Variants in ALG14 observed in about 807,000 individuals in gnomAD.
ALG14 encodes the protein ALG14 UDP-N-acetylglucosaminyltransferase subunit.
A neutral mutation model predicts 22.8 loss-of-function variants in ALG14; 17 were observed. The ratio of observed to expected loss-of-function variants is 0.75; its 90% CI spans 0.51 to 1.12. The LOEUF (loss-of-function observed/expected upper bound fraction) is 1.12. Among genes scored for constraint, ALG14 ranks in the 50% most tolerant of loss-of-function variants. The probability of loss-of-function intolerance (pLI) is 0.00; values close to 1 mark genes in which losing one functional copy is unlikely to be tolerated. For missense variants in ALG14, 288 were observed against 271.8 expected, an observed-to-expected ratio of 1.06 and a Z score of -0.42; for synonymous variants, 89 against 103.7, an observed-to-expected ratio of 0.86 and a Z score of 0.86.
intron 2 of ALG14, among the ~76,000 whole-genome samples, chr1:95,036,262 G>A (rs1046064964): frequency 1.3e-5 from 2 of 152,040 alleles, no homozygotes; most frequent in Non-Finnish European, 2.9e-5. Context: ...GTGATAGTGC[G>A]TTAGTTCTCA....
At position 94,980,149 on chromosome 1, in the gene ALG14, T is replaced by C. The variant is rs1417323470; in HGVS notation, c.*2927A>G. 6.6e-6 allele frequency: 1 copy of C among 152,062 alleles called. No homozygotes were observed. The highest frequency in any genetic ancestry group is 1.5e-5 in the Non-Finnish European group (1 of 68,016). The allele number at this position is 152,062 out of a possible 1,614,324, so 9.4% of individuals were successfully genotyped here. On this transcript the variant is annotated 3_prime_UTR_variant, in exon 4 of 4. Coordinates refer to ENST00000370205, the MANE Select transcript of ALG14 (RefSeq NM_144988.4). ...TAACTTACCATGTATCTTTGAAAGGTAGAATGATGTGTTCCAAGTTGCTTT... is the reference window on the plus strand; with the variant it reads ...TAACTTACCATGTATCTTTGAAAGGCAGAATGATGTGTTCCAAGTTGCTTT...
intron 3 of ALG14, among the ~76,000 whole-genome samples, chr1:95,021,502 CTTCTT>C (rs1182131728): frequency 2.0e-5 from 3 of 152,186 alleles, no homozygotes; most frequent in Non-Finnish European, 4.4e-5. Context: ...TCTGTGCCCC[CTTCTT>C]TTATTTTTTC....
intron 3 of ALG14, among the ~76,000 whole-genome samples, chr1:94,986,392 T>C (rs182701980): frequency 3.3e-5 from 5 of 152,350 alleles, no homozygotes; most frequent in African/African-American, 7.2e-5. Flanking sequence ...TTACCCTATA[T>C]TGACTCAAAT....
In ALG14 at chr1:95,049,481, G is replaced by A. The variant is rs1050686063; in HGVS notation, c.288+15385C>T. ...GCTTAGGAGCCAGAGGTTGCAGTGA[G>A]TCGAGATCGCACCACTGCACTCCAA... On this transcript the variant is annotated intron_variant, in intron 2 of 3. Coordinates refer to ENST00000370205, the MANE Select transcript of ALG14 (RefSeq NM_144988.4). Among the ~76,000 whole-genome samples, 13 of 152,202 alleles carry A rather than the reference G, an allele frequency of 8.5e-5. No individual in the cohort carries two copies. The East Asian group carries it at 1.5e-3, about 18-fold the overall frequency.
At chr1:95,047,518 A>G (rs781288374) in intron 2 of ALG14, among the ~76,000 whole-genome samples, 2 of 151,788 alleles carry the variant, frequency 1.3e-5, no homozygotes, top group Non-Finnish European at 2.9e-5. Flanking sequence ...TAATTTTTGT[A>G]TTTTTGGTAG....
intron 1 of ALG14, among the ~76,000 whole-genome samples, chr1:95,070,352 T>C (rs1395075424): frequency 6.6e-6 from 1 of 152,226 alleles, no homozygotes; most frequent in African/African-American, 2.4e-5. Flanking sequence ...CTTCATAAAT[T>C]TGTATGCCTT....
At position 95,040,517 on chromosome 1, in the gene ALG14, A is replaced by G. The variant is rs541234329; in HGVS notation, c.289-13257T>C. Among the ~76,000 whole-genome samples, 17 of 152,316 alleles carry G rather than the reference A, an allele frequency of 1.1e-4. 1 individual carries two copies. The East Asian group carries it at 3.1e-3, about 28-fold the overall frequency. On this transcript the variant is annotated intron_variant, in intron 2 of 3. Transcript: ENST00000370205. ...AGCCTGGCCACATGCAGAGCTTAGA[A>G]TTATGCTGTCCGTGGTGTGACTGCA...
chr1:95,015,855 G>T (rs1673483805), intron 3 of ALG14, among the ~76,000 whole-genome samples: 1 of 152,208 alleles, frequency 6.6e-6, no homozygotes, highest in South Asian at 2.1e-4. Context: ...CATCCAAACT[G>T]GGCATTGTGT....
In ALG14 at chr1:95,008,847, G is replaced by A. The variant is rs1371774495; in HGVS notation, c.420+18282C>T. Among the ~76,000 whole-genome samples, 6 of 151,948 alleles carry A rather than the reference G, an allele frequency of 3.9e-5. No homozygotes were observed. The South Asian group carries it at 8.3e-4, about 21-fold the overall frequency. On this transcript the variant is annotated intron_variant, in intron 3 of 3. Coordinates refer to ENST00000370205, the MANE Select transcript of ALG14 (RefSeq NM_144988.4). ...CATTTCCCCCCTTCTTCAGCCCCTG[G>A]TAATGTCTATTCTGCTTTCTGTCTC...
chr1:95,035,517 C>G (rs1674158092), intron 2 of ALG14, among the ~76,000 whole-genome samples: 1 of 152,084 alleles, frequency 6.6e-6, no homozygotes, highest in Admixed American at 6.5e-5. Flanking sequence ...GCAAGAGAGA[C>G]AAGAAAAGTA....
At chr1:94,990,693 A>T (rs1048934439) in intron 3 of ALG14, among the ~76,000 whole-genome samples, 5 of 152,206 alleles carry the variant, frequency 3.3e-5, no homozygotes, top group Admixed American at 3.3e-4. Context: ...CTTCTTTTAA[A>T]CCATACCAAA....
At chr1:95,057,622 C>CTGTG (rs139544863) in intron 2 of ALG14, among the ~76,000 whole-genome samples, 83,227 of 143,652 alleles carry the variant, frequency 0.58, 24,843 homozygotes, top group Admixed American at 0.68. Flanking sequence ...AGATGACCAT[C>CTGTG]TGTGTGTGTG....
chr1:95,069,755 C>T (rs1675498652), intron 1 of ALG14, among the ~76,000 whole-genome samples: 1 of 152,194 alleles, frequency 6.6e-6, no homozygotes, highest in African/African-American at 2.4e-5. Context: ...CAGTCCCATA[C>T]TCCCCTGAGG....
intron 2 of ALG14, among the ~76,000 whole-genome samples, chr1:95,050,819 G>A (rs1290433285): frequency 6.6e-6 from 1 of 150,884 alleles, no homozygotes; most frequent in African/African-American, 2.4e-5. Context: ...CTAAGGCCCA[G>A]TTGTTAGTCT....
intron 3 of ALG14, among the ~76,000 whole-genome samples, chr1:95,023,979 C>G (rs920175815): frequency 1.3e-5 from 2 of 152,332 alleles, no homozygotes; most frequent in South Asian, 4.1e-4. Context: ...CCTTTACCCT[C>G]AAGAACTTTA....
intron 1 of ALG14, among the ~76,000 whole-genome samples, chr1:95,071,548 G>GA (rs1388933616): frequency 6.6e-6 from 1 of 151,734 alleles, no homozygotes; most frequent in African/African-American, 2.4e-5. Context: ...GTATAAAAAA[G>GA]AAAAAAAGCA....
intron 2 of ALG14, among the ~76,000 whole-genome samples, chr1:95,053,288 A>G (rs1306421874): frequency 2.6e-5 from 4 of 152,176 alleles, no homozygotes; most frequent in African/African-American, 9.6e-5. Flanking sequence ...TTTTAAAAAA[A>G]GCATTATTAG....
intron 2 of ALG14, among the ~76,000 whole-genome samples, chr1:95,055,780 C>G (rs1674905556): frequency 7.5e-6 from 1 of 132,594 alleles, no homozygotes; most frequent in African/African-American, 2.8e-5. Context: ...ATCACGAGGT[C>G]AGCAGATTGA....
At chr1:94,985,244 C>T (rs1672612968) in intron 3 of ALG14, among the ~76,000 whole-genome samples, 1 of 152,120 alleles carries the variant, frequency 6.6e-6, no homozygotes, top group African/African-American at 2.4e-5. Context: ...CAAACTTGCT[C>T]TGAATCTTTT....
Sources: gnomAD v4.1 joint callset for allele counts (sites outside exome capture counted in the v4.1 genomes callset) on GRCh38, gnomAD v4.1.1 for gene constraint, MANE v1.5 for transcripts, NCBI Gene and HGNC (gene_info 2026-07-23, HGNC 2026-07-21) for gene names.